ANKRD28: variants seen among roughly 807,000 people sequenced by gnomAD.
The protein encoded by ANKRD28 is serine/threonine-protein phosphatase 6 regulatory ankyrin repeat subunit A.
Under a neutral mutation model 126.5 loss-of-function variants are expected in ANKRD28, and 44 were observed. The ratio of observed to expected loss-of-function variants is 0.35; its 90% CI spans 0.27 to 0.45. The LOEUF (loss-of-function observed/expected upper bound fraction) is 0.45. ANKRD28 is among the 20% of genes least tolerant of loss of function. The probability of loss-of-function intolerance (pLI) is 1.00; values close to 1 mark genes in which losing one functional copy is unlikely to be tolerated. For missense variants in ANKRD28, 1,110 were observed against 1,316.6 expected, an observed-to-expected ratio of 0.84 and a Z score of 2.43; for synonymous variants, 442 against 468.5, an observed-to-expected ratio of 0.94 and a Z score of 0.73.
intron 23 of ANKRD28, 28 bp from the exon 24 acceptor site, chr3:15,678,382 G>T (rs1301216464): frequency 1.3e-6 from 2 of 1,575,022 alleles, no homozygotes; most frequent in South Asian, 1.2e-5. Context: ...TGAAATATAT[G>T]ACTAAATTTG....
At chr3:15,802,119 T>C (rs895296246), upstream of ANKRD28, among the ~76,000 whole-genome samples, 34 of 152,294 alleles carry the variant, frequency 2.2e-4, 5 homozygotes, top group Admixed American at 9.8e-4. Flanking sequence ...ATTTCTCAGC[T>C]CTCTTGTAGC....
chr3:15,770,485 T>C (rs1220783867), intron 2 of ANKRD28, among the ~76,000 whole-genome samples: 5 of 151,808 alleles, frequency 3.3e-5, no homozygotes, highest in Admixed American at 6.6e-5. Context: ...GCAAAATCGA[T>C]TTAAAGGAAG....
intron 1 of ANKRD28, among the ~76,000 whole-genome samples, chr3:15,855,288 C>T (rs13060772): frequency 0.46 from 70,626 of 151,932 alleles, 19,359 homozygotes; most frequent in Non-Finnish European, 0.6. Context: ...TTAAGTTACT[C>T]ACATCCATCC....
In ANKRD28 at chr3:15,839,613, A is replaced by G. The variant is rs12691219; in HGVS notation, c.27+19764T>C. Among the ~76,000 whole-genome samples the G allele has an allele frequency of 0.67, 101,680 of 151,676 alleles. 34,612 individuals are homozygous for G. The highest frequency in any genetic ancestry group is 0.91 in the East Asian group (4,686 of 5,152). On this transcript the variant is annotated intron_variant, in intron 1 of 27. Coordinates refer to the ANKRD28 transcript ENST00000399451. The surrounding 1 kb of genome is among the most constrained non-coding windows in gnomAD (Gnocchi z 4.3). ...TTAAAAAAAAAGAAAACGATAGGCC[A>G]ATATCACTGAGTAATATTGACTCAA...
intron 17 of ANKRD28, among the ~76,000 whole-genome samples, chr3:15,693,273 A>T (rs1383265834): frequency 6.6e-6 from 1 of 152,088 alleles, no homozygotes; most frequent in Non-Finnish European, 1.5e-5. Flanking sequence ...TTTTTCTACC[A>T]TTACCACCAT....
chr3:15,822,561 C>G (rs564773332), intron 1 of ANKRD28, among the ~76,000 whole-genome samples: 6 of 152,072 alleles, frequency 3.9e-5, no homozygotes, highest in Non-Finnish European at 5.9e-5. Flanking sequence ...AAATAAAGAT[C>G]AAACTATATC....
At position 15,749,315 on chromosome 3, in the gene ANKRD28, T is replaced by C. The variant is rs548490704; in HGVS notation, c.351+2435A>G. ...TTTTAGTAGAGACGGGGTTTCACCTTGTTAGCCAGGATGGTCTCGATCTCC... is the reference window on the plus strand; with the variant it reads ...TTTTAGTAGAGACGGGGTTTCACCTCGTTAGCCAGGATGGTCTCGATCTCC... On this transcript the variant is annotated intron_variant, in intron 4 of 27. Transcript: ENST00000683139. Among the ~76,000 whole-genome samples, 209 of 151,198 alleles carry C rather than the reference T, an allele frequency of 1.4e-3. 5 individuals carry two copies. In the East Asian group the frequency reaches 0.028, roughly 21 times the overall value.
At position 15,741,411 on chromosome 3, in the gene ANKRD28, T is replaced by G. The variant is rs184346301; in HGVS notation, c.352-4178A>C. Among the ~76,000 whole-genome samples the G allele has an allele frequency of 1.3e-4, 20 of 152,298 alleles. No individual in the cohort carries two copies. The East Asian group carries it at 3.7e-3, about 28-fold the overall frequency. On this transcript the variant is annotated intron_variant, in intron 4 of 27. Coordinates refer to ENST00000683139, the MANE Select transcript of ANKRD28 (RefSeq NM_001349278.2). ...CATCATAAGCACACGGAAAATAATG[T>G]GGGGATAACTAACGGCACAGATGAT...
Position 15,737,250 on chromosome 3 carries a change from G to A in ANKRD28, c.352-17C>T, listed in dbSNP as rs750821850. The A allele has an allele frequency of 7.5e-6, 12 of 1,603,148 alleles. No homozygotes were observed. Among genetic ancestry groups the A allele is most frequent in the Non-Finnish European group, 1.0e-5 (12 of 1,173,594 alleles). On this transcript the variant is annotated splice_polypyrimidine_tract_variant and intron_variant, in intron 4 of 27. Transcript: ENST00000683139. ...AACTGCTTCCTAAAACATATGAAAAGTTATAAAAGACAAATGAGTTAAGAG... is the reference window on the plus strand; with the variant it reads ...AACTGCTTCCTAAAACATATGAAAAATTATAAAAGACAAATGAGTTAAGAG...
At chr3:15,780,392 A>T (rs2059487530) in intron 2 of ANKRD28, among the ~76,000 whole-genome samples, 1 of 152,186 alleles carries the variant, frequency 6.6e-6, no homozygotes, top group Non-Finnish European at 1.5e-5. Context: ...ACTAAAAACT[A>T]TAAAACATTA....
In ANKRD28 at chr3:15,829,830, A is replaced by G. The variant is rs138534191; in HGVS notation, c.27+29547T>C. Among the ~76,000 whole-genome samples, 69 of 152,236 alleles carry G rather than the reference A, an allele frequency of 4.5e-4. No homozygotes were observed. The East Asian group carries it at 0.012, about 27-fold the overall frequency. ...GACAGTGGCTTTCCTTGAAGTGACAAGTTCACTTTGTTCCTTTTCAAGGAA... is the reference window on the plus strand; with the variant it reads ...GACAGTGGCTTTCCTTGAAGTGACAGGTTCACTTTGTTCCTTTTCAAGGAA... On this transcript the variant is annotated intron_variant, in intron 1 of 27. Transcript: ENST00000399451.
chr3:15,844,974 A>C (rs986298791), intron 1 of ANKRD28, among the ~76,000 whole-genome samples: 2 of 152,190 alleles, frequency 1.3e-5, no homozygotes, highest in African/African-American at 2.4e-5. Context: ...TAATCATGGC[A>C]GAAGGCAAAG....
intron 1 of ANKRD28, among the ~76,000 whole-genome samples, chr3:15,829,005 T>A (rs962791187): frequency 6.6e-6 from 1 of 152,178 alleles, no homozygotes; most frequent in African/African-American, 2.4e-5. Flanking sequence ...GAGACAAACT[T>A]AGATATCTGC....
rs1270404007 is a variant in ANKRD28 at position 15,838,014 on chromosome 3, A to G, written c.27+21363T>C. 6.6e-6 allele frequency among the ~76,000 whole-genome samples: 1 copy of G among 152,278 alleles called. No individual in the cohort carries two copies. Among genetic ancestry groups the G allele is most frequent in the South Asian group, 2.1e-4 (1 of 4,824 alleles). ...GGGAATATTATGAACAACTGTATACAAACAAATGTAAACAACTTAGAAAAA... is the reference window on the plus strand; with the variant it reads ...GGGAATATTATGAACAACTGTATACGAACAAATGTAAACAACTTAGAAAAA... On this transcript the variant is annotated intron_variant, in intron 1 of 27. Coordinates refer to the ANKRD28 transcript ENST00000399451. This position sits in a 1 kb window ranked among gnomAD's most constrained non-coding sequence, Gnocchi z 4.0.
At chr3:15,759,324 T>G (rs2058335028) in intron 3 of ANKRD28, among the ~76,000 whole-genome samples, 2 of 150,946 alleles carry the variant, frequency 1.3e-5, no homozygotes, top group African/African-American at 2.5e-5. Context: ...ATATAATACC[T>G]TCACAAATTT....
At chr3:15,733,684 A>C (rs1008159046) in intron 6 of ANKRD28, among the ~76,000 whole-genome samples, 9 of 152,376 alleles carry the variant, frequency 5.9e-5, no homozygotes, top group African/African-American at 2.2e-4. Context: ...TTTTGTAAAA[A>C]ATCACTGTTG....
chr3:15,790,802 G>A (rs1051081807), intron 2 of ANKRD28, among the ~76,000 whole-genome samples: 6 of 151,980 alleles, frequency 3.9e-5, no homozygotes, highest in African/African-American at 1.4e-4. Context: ...AATCAGACAA[G>A]AGAAAGATAT....
intron 14 of ANKRD28, among the ~76,000 whole-genome samples, chr3:15,706,218 C>G (rs895838317): frequency 6.6e-6 from 1 of 151,936 alleles, no homozygotes; most frequent in African/African-American, 2.4e-5. Context: ...TTAGGTATAC[C>G]TCCTAATGCT....
chr3:15,810,311 G>C (rs986379307), intron 1 of ANKRD28, among the ~76,000 whole-genome samples: 5 of 151,446 alleles, frequency 3.3e-5, no homozygotes, highest in African/African-American at 1.2e-4. Flanking sequence ...CAATACCATT[G>C]ATAAGTATTT....
Sources: gnomAD v4.1 joint callset for allele counts (sites outside exome capture counted in the v4.1 genomes callset) on GRCh38, gnomAD v4.1.1 for gene constraint, Gnocchi (gnomAD v3.1) non-coding constraint, MANE v1.5 for transcripts, NCBI Gene and HGNC (gene_info 2026-07-23, HGNC 2026-07-21) for gene names.